Variants in FBXO34 observed in about 807,000 individuals in gnomAD.
FBXO34 encodes the protein F-box only protein 34.
FBXO34 carries 12 observed loss-of-function variants against 24.5 expected under a neutral mutation model. That is an observed-to-expected ratio of 0.49 (90% CI 0.31 to 0.79). The LOEUF (loss-of-function observed/expected upper bound fraction) is 0.79. FBXO34 is among the 30% of genes least tolerant of loss of function. The pLI, the probability that FBXO34 is intolerant of heterozygous loss-of-function variation, is 0.04. For synonymous variants in FBXO34, 320 were observed against 311.9 expected (o/e 1.03, Z -0.27); for missense variants, 823 against 857.7 (o/e 0.96, Z 0.51).
chr14:55,381,982 T>C, the FBXO34 span: 1 of 1,614,190 alleles, frequency 6.2e-7, no homozygotes, highest in Non-Finnish European at 8.5e-7. Context: ...GGTTGTTTTC[T>C]TCTCCTCCAC....
At chr14:55,333,185 G>A (rs1883658514) in intron 1 of FBXO34, among the ~76,000 whole-genome samples, 1 of 152,166 alleles carries the variant, frequency 6.6e-6, no homozygotes, top group African/African-American at 2.4e-5. Context: ...AATGATTACT[G>A]TTCTTTATTT....
the FBXO34 span, among the ~76,000 whole-genome samples, chr14:55,401,121 T>G: frequency 6.6e-6 from 1 of 152,028 alleles, no homozygotes; most frequent in Non-Finnish European, 1.5e-5. Flanking sequence ...CTGATTGGCC[T>G]CCCATCCCTC....
At chr14:55,391,902 C>T in the FBXO34 span, among the ~76,000 whole-genome samples, 1 of 152,118 alleles carries the variant, frequency 6.6e-6, no homozygotes, top group African/African-American at 2.4e-5. Flanking sequence ...GTGCATAACT[C>T]AAGTAAGATT....
chr14:55,414,510 T>G, the FBXO34 span: 1 of 1,288,094 alleles, frequency 7.8e-7, no homozygotes, highest in Non-Finnish European at 1.1e-6. Context: ...CAACATTTAC[T>G]TAAACACTAA....
chr14:55,433,777 G>T, the FBXO34 span: 1 of 1,508,976 alleles, frequency 6.6e-7, no homozygotes, highest in Non-Finnish European at 9.1e-7. Context: ...CATTATCCCA[G>T]TTGAAAAAGC....
At chr14:55,370,616 C>T (rs1312839867), downstream of FBXO34, among the ~76,000 whole-genome samples, 2 of 151,818 alleles carry the variant, frequency 1.3e-5, no homozygotes, top group African/African-American at 4.8e-5. Context: ...GGAACCGAGT[C>T]AGCAAACCTC....
intron 1 of FBXO34, among the ~76,000 whole-genome samples, chr14:55,293,878 G>C (rs1238597977): frequency 6.6e-6 from 1 of 151,994 alleles, no homozygotes; most frequent in Admixed American, 6.6e-5. Context: ...TGTGTGTGTG[G>C]AGAGAGGGAT....
At chr14:55,292,474 C>T (rs1881975382) in intron 1 of FBXO34, among the ~76,000 whole-genome samples, 1 of 152,108 alleles carries the variant, frequency 6.6e-6, no homozygotes, top group Non-Finnish European at 1.5e-5. Flanking sequence ...ATCCTCACAC[C>T]TCAGCCTCCA....
intron 1 of FBXO34, among the ~76,000 whole-genome samples, chr14:55,277,162 T>G (rs1881371314): frequency 6.6e-6 from 1 of 152,220 alleles, no homozygotes; most frequent in Non-Finnish European, 1.5e-5. Context: ...TTAATTTCAT[T>G]AGCTGTTTAA....
intron 1 of FBXO34, among the ~76,000 whole-genome samples, chr14:55,348,268 G>A (rs1451933025): frequency 1.3e-5 from 2 of 152,034 alleles, no homozygotes; most frequent in African/African-American, 4.8e-5. Flanking sequence ...TTGCTGTGTT[G>A]CCCAGGCTAG....
intron 1 of FBXO34, among the ~76,000 whole-genome samples, chr14:55,290,859 G>C (rs148515576): frequency 6.6e-6 from 1 of 152,152 alleles, no homozygotes; most frequent in African/African-American, 2.4e-5. Flanking sequence ...AGTCTCTGTT[G>C]CCCAGGCTGG....
chr14:55,350,270 G>A (rs1045742510), intron 1 of FBXO34, 111 bp from the exon 2 acceptor site: 3 of 695,096 alleles, frequency 4.3e-6, no homozygotes, highest in African/African-American at 3.6e-5. Flanking sequence ...TAATGAACTG[G>A]TAGAACATGT....
At chr14:55,394,801 GC>G in the FBXO34 span, 1 of 252,222 alleles carries the variant, frequency 4.0e-6, no homozygotes, top group East Asian at 1.2e-4. Context: ...CATTTAGTAT[GC>G]CTGGTATTAT....
chr14:55,352,599 C>CGTA lies in FBXO34; in HGVS notation c.*75_*77dup. On this transcript the variant is annotated 3_prime_UTR_variant, in exon 2 of 2. Transcript: ENST00000313833. ...CACCTAGATACACCGTTCAAATGAG[C>CGTA]GTAGCCCCCTGAGTCATCACTCTAG... 8.0e-7 allele frequency: 1 copy of CGTA among 1,247,176 alleles called. No individual in the cohort carries two copies. The highest frequency in any genetic ancestry group is 1.1e-6 in the Non-Finnish European group (1 of 904,188). The allele number at this position is 1,247,176 out of a possible 1,614,324, so 77.3% of individuals were successfully genotyped here. A position where few individuals can be genotyped will look rare whatever the true frequency, so the allele number is the denominator to read the frequency against.
chr14:55,359,465 T>C (rs1884564854), intron 3 of FBXO34, among the ~76,000 whole-genome samples: 2 of 152,230 alleles, frequency 1.3e-5, no homozygotes, highest in African/African-American at 4.8e-5. Context: ...TACAATAGCA[T>C]TATGTCTAAA....
the FBXO34 span, chr14:55,411,911 C>G: frequency 1.6e-6 from 2 of 1,273,184 alleles, no homozygotes; most frequent in Non-Finnish European, 2.2e-6. Flanking sequence ...GGAAGGGGGG[C>G]TGGGATGCCG....
chr14:55,389,345 TG>T, the FBXO34 span, among the ~76,000 whole-genome samples: 1 of 152,232 alleles, frequency 6.6e-6, no homozygotes, highest in Non-Finnish European at 1.5e-5. Flanking sequence ...ATGTTGCTAC[TG>T]AACAAAGAGC....
At chr14:55,295,935 C>CCTA (rs1205806604) in intron 1 of FBXO34, among the ~76,000 whole-genome samples, 1 of 152,118 alleles carries the variant, frequency 6.6e-6, no homozygotes, top group Non-Finnish European at 1.5e-5. Flanking sequence ...GCTTTAGCTT[C>CCTA]CCATGATTTA....
chr14:55,364,585 T>C (rs1053076977), downstream of FBXO34, among the ~76,000 whole-genome samples: 2 of 151,840 alleles, frequency 1.3e-5, no homozygotes, highest in Non-Finnish European at 2.9e-5. Context: ...CCACGACACC[T>C]GGCTAATTTT....
Sources: allele counts gnomAD v4.1 joint callset (sites outside exome capture counted in the v4.1 genomes callset), GRCh38; gene constraint gnomAD v4.1.1; transcripts MANE v1.5; gene names NCBI Gene and HGNC (gene_info 2026-07-23, HGNC 2026-07-21).